The following CDH11 variants were observed in gnomAD, a reference collection of about 807,000 sequenced individuals.
CDH11 encodes cadherin 11.
CDH11 carries 11 observed loss-of-function variants against 67.8 expected under a neutral mutation model. The observed-to-expected ratio is 0.16, with a 90% CI of 0.10 to 0.27. The LOEUF (loss-of-function observed/expected upper bound fraction) is 0.27. CDH11 is among the 10% of genes least tolerant of loss of function. The probability of loss-of-function intolerance (pLI) is 1.00; values close to 1 mark genes in which losing one functional copy is unlikely to be tolerated. For missense variants in CDH11, 847 were observed against 1,031.2 expected (o/e 0.82, Z 2.45); for synonymous variants, 419 against 400.0 (o/e 1.05, Z -0.57).
intron 1 of CDH11, among the ~76,000 whole-genome samples, chr16:65,085,617 T>C (rs945207040): frequency 2.6e-5 from 4 of 152,208 alleles, no homozygotes; most frequent in Non-Finnish European, 4.4e-5. Context: ...TTTCATAGGA[T>C]AGACTGTAGA....
At chr16:65,103,394 T>C (rs41465745) in intron 1 of CDH11, among the ~76,000 whole-genome samples, 1,899 of 152,322 alleles carry the variant, frequency 0.012, 48 homozygotes, top group African/African-American at 0.043. Context: ...TTCATCATTG[T>C]TGTAATAATC....
At chr16:65,122,148 G>GGGGGGGGGGGGGGGGGGT, upstream of CDH11, 2 of 323,844 alleles carry the variant, frequency 6.2e-6, no homozygotes, top group East Asian at 1.1e-4. Context: ...GGGGGGGCGG[G>GGGGGGGGGGGGGGGGGGT]AGGAGGGAGG....
At chr16:65,119,378 T>G (rs1399214128) in intron 1 of CDH11, among the ~76,000 whole-genome samples, 1 of 152,122 alleles carries the variant, frequency 6.6e-6, no homozygotes, top group Admixed American at 6.5e-5. Context: ...CCATAACTAT[T>G]TTTTTTAAAT....
At chr16:64,950,316 T>C (rs2071322249) in intron 12 of CDH11, among the ~76,000 whole-genome samples, 1 of 152,056 alleles carries the variant, frequency 6.6e-6, no homozygotes, top group Admixed American at 6.6e-5. Flanking sequence ...AGTTCCCGAG[T>C]CCTTCCTATG....
chr16:65,033,850 G>A (rs1224955608), intron 2 of CDH11, among the ~76,000 whole-genome samples: 2 of 152,140 alleles, frequency 1.3e-5, no homozygotes, highest in Non-Finnish European at 2.9e-5. Context: ...GGGGATCATA[G>A]GTGTTTTGCT....
At chr16:64,992,367 C>T (rs1567514091) in intron 5 of CDH11, among the ~76,000 whole-genome samples, 1 of 152,152 alleles carries the variant, frequency 6.6e-6, no homozygotes, top group Non-Finnish European at 1.5e-5. Flanking sequence ...ATATTTCATG[C>T]AATACATTAA....
intron 8 of CDH11, among the ~76,000 whole-genome samples, chr16:64,976,030 T>A (rs1247485562): frequency 6.6e-6 from 1 of 152,122 alleles, no homozygotes. Context: ...TTAAAGTATG[T>A]CACAATAATT....
In CDH11 at chr16:64,953,269, G is replaced by GAT. The variant is rs765230637; in HGVS notation, c.1643-2253_1643-2252dup. On this transcript the variant is annotated intron_variant, in intron 11 of 12. Coordinates refer to ENST00000268603, the MANE Select transcript of CDH11 (RefSeq NM_001797.4). ...CGTTAGATATCTATATCTATATATA[G>GAT]ATATATATATATGTATGTATATACA... 1.1e-3 allele frequency among the ~76,000 whole-genome samples: 168 copies of GAT among 148,238 alleles called. 3 individuals carry two copies. The East Asian group carries it at 0.016, about 14-fold the overall frequency.
intron 11 of CDH11, chr16:64,968,356 A>G: frequency 1.1e-6 from 1 of 881,178 alleles, no homozygotes; most frequent in South Asian, 5.2e-5. Flanking sequence ...TTTTCTTTGC[A>G]CTTTTCTCAT....
intron 1 of CDH11, among the ~76,000 whole-genome samples, chr16:65,107,292 T>G (rs1449989839): frequency 1.3e-5 from 2 of 152,236 alleles, no homozygotes; most frequent in Non-Finnish European, 2.9e-5. Context: ...AAATGGATAA[T>G]TATAGCTTCT....
chr16:64,947,826 G>A lies in CDH11; in HGVS notation c.2168C>T (p.Thr723Met), dbSNP rs200439593. ...GTCATTGTCTGCCTCCTGTATTCTC[G>A]TGTTGATGAAGTCATCGACATCCAC... ...NSVDVDDFINTRIQEADNDPT... is the reference protein window; with the variant it reads ...NSVDVDDFINMRIQEADNDPT... The change falls in exon 13 of 13, where the codon ACG becomes ATG. Residue 723 changes from threonine (T) to methionine (M), a missense_variant. Around this residue, in one of 2 missense-constraint regions of CDH11, gnomAD observed 612 missense variants for 678.7 expected, o/e 0.90. Transcript: ENST00000268603. 18 of 1,614,074 alleles carry A rather than the reference G, an allele frequency of 1.1e-5. No individual in the cohort carries two copies. The highest frequency in any genetic ancestry group is 1.6e-4 in the Middle Eastern group (1 of 6,062).
chr16:65,083,913 C>T (rs1465721680), intron 1 of CDH11, among the ~76,000 whole-genome samples: 3 of 152,184 alleles, frequency 2.0e-5, no homozygotes, highest in African/African-American at 4.8e-5. Flanking sequence ...CAGCAGAGCT[C>T]TTCAATCAGA....
Position 64,950,950 on chromosome 16 carries a change from G to A in CDH11, c.1711C>T (p.Pro571Ser). The A allele has an allele frequency of 1.9e-6, 3 of 1,614,148 alleles. No individual in the cohort carries two copies. The highest frequency in any genetic ancestry group is 2.5e-6 in the Non-Finnish European group (3 of 1,180,018). ...SRQKQDLYLL[P>S]IVISDGGIPP... ...ATGCCGCCATCGCTGATCACTATGG[G>A]CAGAAGGTACAAGTCCTGCTTCTGC... Residue 571 changes from proline to serine, a missense_variant, in exon 12 of 13, where the codon CCC becomes TCC. This residue lies in a region of CDH11 where 612 missense variants were observed against 678.7 expected (regional missense o/e 0.90). Transcript: ENST00000268603.
Position 65,120,815 on chromosome 16 carries a change from G to T in CDH11, c.-298+1065C>A, listed in dbSNP as rs560727393. Among the ~76,000 whole-genome samples, 17 of 152,020 alleles carry T rather than the reference G, an allele frequency of 1.1e-4. 1 individual carries two copies. In the South Asian group the frequency reaches 3.5e-3, roughly 32 times the overall value. Reference sequence around the variant, plus strand: ...AGGGCCTCGGCAAAAAAACGGACAAGGAAGCCGGACCCGCAAGCCTCCCCC... The same window carrying T: ...AGGGCCTCGGCAAAAAAACGGACAATGAAGCCGGACCCGCAAGCCTCCCCC... On this transcript the variant is annotated intron_variant, in intron 1 of 12. Transcript: ENST00000268603.
intron 1 of CDH11, among the ~76,000 whole-genome samples, chr16:65,063,448 C>A (rs2074264876): frequency 6.6e-6 from 1 of 152,104 alleles, no homozygotes; most frequent in African/African-American, 2.4e-5. Context: ...AAAAATGGCC[C>A]TGTTTGTCTG....
chr16:64,951,403 C>G (rs1208418046), intron 11 of CDH11, among the ~76,000 whole-genome samples: 1 of 152,006 alleles, frequency 6.6e-6, no homozygotes, highest in Non-Finnish European at 1.5e-5. Context: ...GCTCACATGA[C>G]CCAGCGCACT....
At position 64,988,223 on chromosome 16, in the gene CDH11, A is replaced by G; in HGVS notation, c.933T>C (p.Asp311=). 1.2e-6 allele frequency: 2 copies of G among 1,613,418 alleles called. No individual in the cohort carries two copies. Among genetic ancestry groups the G allele is most frequent in the South Asian group, 2.2e-5 (2 of 91,002 alleles). Residue 311 remains aspartate (D), a synonymous_variant, in exon 7 of 13, where the codon GAT becomes GAC. Coordinates refer to ENST00000268603, the MANE Select transcript of CDH11 (RefSeq NM_001797.4). ...GLVTYNIVDG[D]GMESFEITTD... ...TTGTGATTTCAAACGATTCCATACCATCTCCATCAACAATATTGTATGTGA... is the reference window on the plus strand; with the variant it reads ...TTGTGATTTCAAACGATTCCATACCGTCTCCATCAACAATATTGTATGTGA...
At chr16:65,060,156 A>G (rs2074212972) in intron 1 of CDH11, among the ~76,000 whole-genome samples, 1 of 152,184 alleles carries the variant, frequency 6.6e-6, no homozygotes, top group African/African-American at 2.4e-5. Flanking sequence ...AACCTAGAGA[A>G]GTTAAACAAC....
At chr16:64,950,621 G>A (rs1187459585) in intron 12 of CDH11, 146 bp downstream of exon 12, 4 of 91,430 alleles carry the variant, frequency 4.4e-5, no homozygotes, top group East Asian at 1.7e-4. Context: ...CGCCCACCCC[G>A]CCCCCGTACC....
Sources: gnomAD v4.1 joint callset for allele counts (sites outside exome capture counted in the v4.1 genomes callset) on GRCh38, gnomAD v4.1.1 for gene constraint, gnomAD v4.1.1 regional missense constraint, MANE v1.5 for transcripts, NCBI Gene and HGNC (gene_info 2026-07-23, HGNC 2026-07-21) for gene names.